AOAH: variants seen among roughly 807,000 people sequenced by gnomAD.
The protein encoded by AOAH is acyloxyacyl hydrolase (neutrophil).
In AOAH, 64 loss-of-function variants were observed where a neutral mutation model predicts 92.2. The ratio of observed to expected loss-of-function variants is 0.69; its 90% CI spans 0.57 to 0.86. The LOEUF (loss-of-function observed/expected upper bound fraction) is 0.86. Ranked by LOEUF, AOAH falls within the 40% of genes least tolerant of loss-of-function variation. The pLI, the probability that AOAH is intolerant of heterozygous loss-of-function variation, is 0.00. For missense variants in AOAH, 656 were observed against 694.6 expected (o/e 0.94, Z 0.62); for synonymous variants, 263 against 254.5 (o/e 1.03, Z -0.32).
chr7:36,678,630 A>C (rs1293702186), intron 2 of AOAH, among the ~76,000 whole-genome samples: 2 of 139,746 alleles, frequency 1.4e-5, no homozygotes, highest in South Asian at 4.7e-4. Flanking sequence ...AATTCTGTTT[A>C]GCTCAAGTCA....
chr7:36,556,310 A>G (rs939085434), intron 13 of AOAH, among the ~76,000 whole-genome samples: 2 of 152,010 alleles, frequency 1.3e-5, no homozygotes, highest in Non-Finnish European at 2.9e-5. Context: ...GAGTTTCTTA[A>G]TCCTGAGTTC....
chr7:36,610,600 G>C (rs892710208), intron 11 of AOAH, among the ~76,000 whole-genome samples: 4 of 150,980 alleles, frequency 2.6e-5, no homozygotes, highest in African/African-American at 9.7e-5. Flanking sequence ...GTATTAAGGA[G>C]GAATTTTAAT....
At chr7:36,624,791 T>C (rs2718188) in intron 6 of AOAH, among the ~76,000 whole-genome samples, 88,507 of 152,002 alleles carry the variant, frequency 0.58, 25,802 homozygotes, top group Middle Eastern at 0.63. Flanking sequence ...TGGCCTCTTG[T>C]TTTGCCCCCA....
intron 11 of AOAH, among the ~76,000 whole-genome samples, chr7:36,607,133 A>G (rs1259373456): frequency 6.6e-6 from 1 of 152,216 alleles, no homozygotes; most frequent in Non-Finnish European, 1.5e-5. Flanking sequence ...TGCTGCAGGG[A>G]GAATGCCTGA....
chr7:36,632,035 C>T lies in AOAH; in HGVS notation c.521+1G>A. On this transcript the variant is annotated splice_donor_variant, in intron 6 of 20. Coordinates refer to ENST00000617537, the MANE Select transcript of AOAH (RefSeq NM_001637.4). LOFTEE classifies it high-confidence loss of function. ...CAGGAAGGTAGAAATTGTATACATA[C>T]AATTTAATTTTCTGGCAGATCTTGG... The T allele has an allele frequency of 6.2e-7, 1 of 1,608,854 alleles. No homozygotes were observed. The highest frequency in any genetic ancestry group is 2.2e-5 in the East Asian group (1 of 44,778).
Position 36,678,645 on chromosome 7 carries a change from G to T in AOAH, c.224-4636C>A, listed in dbSNP as rs181240890. Among the ~76,000 whole-genome samples, 1,146 of 149,432 alleles carry T rather than the reference G, an allele frequency of 7.7e-3. 13 individuals carry two copies. The highest frequency in any genetic ancestry group is 0.011 in the Admixed American group (159 of 15,056). On this transcript the variant is annotated intron_variant, in intron 2 of 20. Coordinates refer to ENST00000617537, the MANE Select transcript of AOAH (RefSeq NM_001637.4). Reference sequence around the variant, plus strand: ...AATTCTGTTTAGCTCAAGTCAAAGAGGATGGCTGCAGGTTCCTTCCTCCCT... The same window carrying T: ...AATTCTGTTTAGCTCAAGTCAAAGATGATGGCTGCAGGTTCCTTCCTCCCT...
At chr7:36,625,973 G>A (rs1792635328) in intron 6 of AOAH, among the ~76,000 whole-genome samples, 2 of 152,196 alleles carry the variant, frequency 1.3e-5, no homozygotes, top group South Asian at 2.1e-4. Flanking sequence ...GAAAAAGCTT[G>A]GACCAAATGA....
intron 1 of AOAH, among the ~76,000 whole-genome samples, chr7:36,709,251 C>A: frequency 6.6e-6 from 1 of 152,108 alleles, no homozygotes; most frequent in East Asian, 1.9e-4. Context: ...AGCCATGGAT[C>A]TTTACACCTC....
intron 11 of AOAH, among the ~76,000 whole-genome samples, chr7:36,607,610 ACT>A (rs1354591741): frequency 5.3e-5 from 8 of 151,668 alleles, no homozygotes; most frequent in Non-Finnish European, 8.8e-5. Flanking sequence ...AGAAACATAC[ACT>A]CTTCCGGTTA....
intron 11 of AOAH, among the ~76,000 whole-genome samples, chr7:36,596,725 T>C (rs1341564395): frequency 6.6e-6 from 1 of 152,180 alleles, no homozygotes; most frequent in Non-Finnish European, 1.5e-5. Flanking sequence ...CCTGCTGACA[T>C]CTTGATCTCA....
At chr7:36,702,319 C>T (rs1798079650) in intron 1 of AOAH, among the ~76,000 whole-genome samples, 1 of 152,166 alleles carries the variant, frequency 6.6e-6, no homozygotes, top group African/African-American at 2.4e-5. Context: ...GTCTGAAGGA[C>T]TTCTTTTTTA....
intron 12 of AOAH, among the ~76,000 whole-genome samples, chr7:36,583,862 G>C (rs1345430942): frequency 6.6e-6 from 1 of 152,126 alleles, no homozygotes; most frequent in Non-Finnish European, 1.5e-5. Context: ...TTGATTCTAG[G>C]CCACTGTATT....
intron 12 of AOAH, among the ~76,000 whole-genome samples, chr7:36,588,903 T>G (rs1343824324): frequency 6.6e-6 from 1 of 152,222 alleles, no homozygotes; most frequent in African/African-American, 2.4e-5. Flanking sequence ...GAGCAACATT[T>G]AATCTAGAAA....
intron 13 of AOAH, among the ~76,000 whole-genome samples, chr7:36,561,023 T>C (rs2116472136): frequency 6.7e-6 from 1 of 150,324 alleles, no homozygotes; most frequent in African/African-American, 2.4e-5. Flanking sequence ...GGTAGACACA[T>C]AATTGAGCAC....
At position 36,545,224 on chromosome 7, in the gene AOAH, G is replaced by A. The variant is rs191587953; in HGVS notation, c.1133+3388C>T. Among the ~76,000 whole-genome samples, 44 of 152,164 alleles carry A rather than the reference G, an allele frequency of 2.9e-4. No individual in the cohort carries two copies. The East Asian group carries it at 3.7e-3, about 13-fold the overall frequency. ...TCTTGATACAGACTGGGAATGGGATGAGGACTTCCATATTACCCCATGCAT... is the reference window on the plus strand; with the variant it reads ...TCTTGATACAGACTGGGAATGGGATAAGGACTTCCATATTACCCCATGCAT... On this transcript the variant is annotated intron_variant, in intron 15 of 20. Coordinates refer to ENST00000617537, the MANE Select transcript of AOAH (RefSeq NM_001637.4).
chr7:36,567,286 T>G (rs2116542326), intron 13 of AOAH, among the ~76,000 whole-genome samples: 1 of 152,244 alleles, frequency 6.6e-6, no homozygotes, highest in South Asian at 2.1e-4. Flanking sequence ...ATAGTGATTT[T>G]AGAAGCCAGA....
intron 15 of AOAH, 141 bp downstream of exon 15, chr7:36,548,471 C>A (rs1466400668): frequency 4.7e-6 from 3 of 637,392 alleles, no homozygotes; most frequent in South Asian, 1.7e-5. Flanking sequence ...TAGGTGTGAG[C>A]CCCTGTGCCC....
At chr7:36,586,972 T>C (rs1181280701) in intron 12 of AOAH, among the ~76,000 whole-genome samples, 1 of 152,054 alleles carries the variant, frequency 6.6e-6, no homozygotes, top group Non-Finnish European at 1.5e-5. Flanking sequence ...TGAGGGTATA[T>C]TAAGAAAATC....
chr7:36,665,888 TA>T (rs1795505272), intron 3 of AOAH, among the ~76,000 whole-genome samples: 2 of 152,152 alleles, frequency 1.3e-5, no homozygotes, highest in South Asian at 4.1e-4. Context: ...CTTGTATATT[TA>T]GGATAAATCT....
Sources: allele counts gnomAD v4.1 joint callset (sites outside exome capture counted in the v4.1 genomes callset), GRCh38; gene constraint gnomAD v4.1.1; transcripts MANE v1.5; gene names NCBI Gene and HGNC (gene_info 2026-07-23, HGNC 2026-07-21).